Variants in PLXNA4 observed in about 807,000 individuals in gnomAD.
PLXNA4 encodes the protein plexin-A4.
Under a neutral mutation model 191.8 loss-of-function variants are expected in PLXNA4, and 44 were observed. The ratio of observed to expected loss-of-function variants is 0.23; its 90% CI spans 0.18 to 0.29. PLXNA4 has a LOEUF of 0.29. Ranked by LOEUF, PLXNA4 falls within the 10% of genes least tolerant of loss-of-function variation. The pLI, the probability that PLXNA4 is intolerant of heterozygous loss-of-function variation, is 1.00. For missense variants in PLXNA4, 1,800 were observed against 2,488.8 expected (o/e 0.72, Z 5.89); for synonymous variants, 1,082 against 1,009.5 (o/e 1.07, Z -1.36).
intron 3 of PLXNA4, among the ~76,000 whole-genome samples, chr7:132,366,893 C>T (rs1447578401): frequency 1.3e-5 from 2 of 152,174 alleles, no homozygotes; most frequent in Admixed American, 1.3e-4. Flanking sequence ...TCCTGAGTAG[C>T]TGGAACCACA....
intron 2 of PLXNA4, among the ~76,000 whole-genome samples, chr7:132,595,490 C>T (rs1016529011): frequency 3.3e-5 from 5 of 152,160 alleles, no homozygotes; most frequent in Non-Finnish European, 5.9e-5. Flanking sequence ...TCCCCAGATA[C>T]GGGTGGATCA....
intron 19 of PLXNA4, 33 bp downstream of exon 19, chr7:132,180,553 G>T (rs758783072): frequency 6.8e-6 from 11 of 1,613,116 alleles, no homozygotes; most frequent in Non-Finnish European, 9.3e-6. Context: ...CCTACTGCCC[G>T]CTCCATCCAG....
chr7:132,153,697 C>T (rs1795710345), intron 25 of PLXNA4, among the ~76,000 whole-genome samples: 1 of 152,174 alleles, frequency 6.6e-6, no homozygotes, highest in African/African-American at 2.4e-5. Context: ...CCCCACTGGC[C>T]TGGCTCTTGA....
intron 1 of PLXNA4, among the ~76,000 whole-genome samples, chr7:132,547,360 C>T (rs1800353883): frequency 6.6e-6 from 1 of 152,132 alleles, no homozygotes; most frequent in Non-Finnish European, 1.5e-5. Flanking sequence ...GGAGTCTTTA[C>T]CTTGAAGTCT....
At chr7:132,202,909 C>T (rs1463056685) in intron 11 of PLXNA4, 73 bp from the exon 12 acceptor site, 2 of 1,400,340 alleles carry the variant, frequency 1.4e-6, no homozygotes, top group Non-Finnish European at 1.9e-6. Flanking sequence ...CAGAGAGAGA[C>T]AAAGAGTGCA....
Position 132,583,546 on chromosome 7 carries a change from G to A in PLXNA4, c.-87+62382C>T, listed in dbSNP as rs138773667. On this transcript the variant is annotated intron_variant, in intron 2 of 4. Coordinates refer to the PLXNA4 transcript ENST00000378539. ...TACAAGGATTAGGACGAGAGAAGAAGGGAAGAAAGAGGCAAAGAAGAAGAA... is the reference window on the plus strand; with the variant it reads ...TACAAGGATTAGGACGAGAGAAGAAAGGAAGAAAGAGGCAAAGAAGAAGAA... Among the ~76,000 whole-genome samples the A allele has an allele frequency of 1.1e-3, 163 of 152,260 alleles. 2 individuals are homozygous for A. Among genetic ancestry groups the A allele is most frequent in the African/African-American group, 3.6e-3 (151 of 41,570 alleles).
At chr7:132,587,807 C>T (rs1377756329) in intron 2 of PLXNA4, among the ~76,000 whole-genome samples, 1 of 151,882 alleles carries the variant, frequency 6.6e-6, no homozygotes, top group Non-Finnish European at 1.5e-5. Context: ...TCATCAGATG[C>T]ACCATCTTCT....
At chr7:132,583,853 T>C (rs1465817670) in intron 2 of PLXNA4, among the ~76,000 whole-genome samples, 2 of 152,170 alleles carry the variant, frequency 1.3e-5, no homozygotes, top group African/African-American at 2.4e-5. Flanking sequence ...GCAGGGACCC[T>C]CGAAGCCTGA....
intron 5 of PLXNA4, among the ~76,000 whole-genome samples, chr7:132,237,806 C>T (rs1466224615): frequency 1.3e-5 from 2 of 152,140 alleles, no homozygotes; most frequent in African/African-American, 2.4e-5. Flanking sequence ...ACGGAGTTAT[C>T]GTGGAATCTA....
chr7:132,248,488 T>C (rs1799135016), intron 4 of PLXNA4, among the ~76,000 whole-genome samples: 1 of 152,006 alleles, frequency 6.6e-6, no homozygotes, highest in African/African-American at 2.4e-5. Flanking sequence ...CCGTGAAAGG[T>C]AGAGGGGAGA....
At chr7:132,474,638 G>T (rs111874510) in intron 3 of PLXNA4, among the ~76,000 whole-genome samples, 12 of 142,412 alleles carry the variant, frequency 8.4e-5, no homozygotes, top group African/African-American at 3.4e-4. Flanking sequence ...ACACACACAC[G>T]CGCGCGCACG....
At chr7:132,534,094 A>C (rs1799734895) in intron 1 of PLXNA4, among the ~76,000 whole-genome samples, 1 of 152,182 alleles carries the variant, frequency 6.6e-6, no homozygotes, top group African/African-American at 2.4e-5. Flanking sequence ...AGAAAAGAAA[A>C]AAGGCCAGTG....
chr7:132,298,437 T>C (rs1801187402), intron 3 of PLXNA4, among the ~76,000 whole-genome samples: 1 of 152,218 alleles, frequency 6.6e-6, no homozygotes, highest in Non-Finnish European at 1.5e-5. Context: ...AAGCTGGGCT[T>C]CACCAAGAAT....
chr7:132,230,177 A>G (rs1456846826), intron 5 of PLXNA4, among the ~76,000 whole-genome samples: 1 of 152,190 alleles, frequency 6.6e-6, no homozygotes, highest in Non-Finnish European at 1.5e-5. Flanking sequence ...TTTAAGTCTC[A>G]TAACAATGCT....
At chr7:132,614,879 G>A (rs1389530258) in intron 2 of PLXNA4, among the ~76,000 whole-genome samples, 1 of 152,192 alleles carries the variant, frequency 6.6e-6, no homozygotes, top group Admixed American at 6.5e-5. Context: ...AGGCGGAGAT[G>A]GAGGAGTGGC....
chr7:132,591,311 A>G (rs1406939311), intron 2 of PLXNA4, among the ~76,000 whole-genome samples: 1 of 152,210 alleles, frequency 6.6e-6, no homozygotes, highest in Non-Finnish European at 1.5e-5. Flanking sequence ...AGCCCTCATC[A>G]AATCACTCAA....
At chr7:132,625,093 A>C (rs1265167647) in intron 2 of PLXNA4, among the ~76,000 whole-genome samples, 1 of 152,174 alleles carries the variant, frequency 6.6e-6, no homozygotes, top group East Asian at 1.9e-4. Context: ...TTTGTTCTTC[A>C]AACTTGTCCT....
Position 132,127,559 on chromosome 7 carries a change from G to T in PLXNA4, c.*2920C>A, listed in dbSNP as rs1341509732. 1 of 152,176 alleles carries T rather than the reference G, an allele frequency of 6.6e-6. No homozygotes were observed. Among genetic ancestry groups the T allele is most frequent in the African/African-American group, 2.4e-5 (1 of 41,446 alleles). 9.4% of individuals were successfully genotyped at this position (152,176 alleles called of 1,614,324 possible). A position where few individuals can be genotyped will look rare whatever the true frequency, so the allele number is the denominator to read the frequency against. On this transcript the variant is annotated 3_prime_UTR_variant, in exon 32 of 32. Coordinates refer to ENST00000321063, the MANE Select transcript of PLXNA4 (RefSeq NM_020911.2). Reference sequence around the variant, plus strand: ...AAATACCATATCACACGTGCACCAAGAATCCAAACGGAAGAAATGGAAAAC... The same window carrying T: ...AAATACCATATCACACGTGCACCAATAATCCAAACGGAAGAAATGGAAAAC...
At position 132,379,785 on chromosome 7, in the gene PLXNA4, C is replaced by T. The variant is rs1050670338; in HGVS notation, c.1372-81563G>A. ...GATTCCCGAATCTCACACTATAGCT[C>T]TTCACAGTCACTCTGCAAATTTCAA... On this transcript the variant is annotated intron_variant, in intron 3 of 31. Coordinates refer to ENST00000321063, the MANE Select transcript of PLXNA4 (RefSeq NM_020911.2). Among the ~76,000 whole-genome samples the T allele has an allele frequency of 2.0e-5, 3 of 152,344 alleles. No homozygotes were observed. In the South Asian group the frequency reaches 6.2e-4, roughly 32 times the overall value.
Sources: gnomAD v4.1 joint callset for allele counts (sites outside exome capture counted in the v4.1 genomes callset) on GRCh38, gnomAD v4.1.1 for gene constraint, MANE v1.5 for transcripts, NCBI Gene and HGNC (gene_info 2026-07-23, HGNC 2026-07-21) for gene names.